The following SEPTIN5 variants were observed in gnomAD, a reference collection of about 807,000 sequenced individuals.
SEPTIN5 encodes septin-5.
SEPTIN5 carries 16 observed loss-of-function variants against 51.2 expected under a neutral mutation model. That is an observed-to-expected ratio of 0.31 (90% CI 0.21 to 0.47). The LOEUF (loss-of-function observed/expected upper bound fraction) is 0.47. Among genes scored for constraint, SEPTIN5 ranks in the 20% least tolerant of loss-of-function variants. SEPTIN5 has a pLI of 0.99. For missense variants in SEPTIN5, 376 were observed against 500.3 expected (o/e 0.75, Z 2.37); for synonymous variants, 208 against 191.2 (o/e 1.09, Z -0.72).
In SEPTIN5 at chr22:19,721,676, G is replaced by A; in HGVS notation, c.754G>A (p.Val252Met). Residue 252 changes from valine (V) to methionine (M), a missense_variant, in exon 9 of 12, where the codon GTG becomes ATG. By Grantham distance (21) the Val-to-Met change is conservative (BLOSUM62 1). Around this residue, in one of 2 missense-constraint regions of SEPTIN5, gnomAD observed 287 missense variants for 417.1 expected, o/e 0.69. Transcript: ENST00000455784. ...CTTCGCCGTTATAGGCAGCAACACG[G>A]TGGTGGAGGCCAAGGGGCAGCGGGT... is the stretch of plus-strand genomic sequence containing the variant. ...APFAVIGSNT[V>M]VEAKGQRVRG... The A allele has an allele frequency of 6.2e-7, 1 of 1,612,800 alleles. No homozygotes were observed. Among genetic ancestry groups the A allele is most frequent in the Non-Finnish European group, 8.5e-7 (1 of 1,179,754 alleles).
At position 19,720,827 on chromosome 22, in the gene SEPTIN5, G is replaced by A. The variant is rs144366796; in HGVS notation, c.675G>A (p.Ser225=). The A allele has an allele frequency of 5.0e-5, 80 of 1,613,728 alleles. No homozygotes were observed. Among genetic ancestry groups the A allele is most frequent in the African/African-American group, 2.7e-4 (20 of 75,008 alleles). ...TATACCAGTTCCCTGAGTGTGACTC[G>A]GACGAGGATGAGGACTTCAAGCAGC... ...IHVYQFPECD[S]DEDEDFKQQD... is the part of the protein sequence containing the mutation. The change falls in exon 8 of 12, where the codon TCG becomes TCA. Residue 225 remains serine (S), a synonymous_variant. Transcript: ENST00000455784.
At chr22:19,719,785 C>T (rs763273448) in intron 3 of SEPTIN5, 21 bp from the exon 4 acceptor site, 3 of 1,612,750 alleles carry the variant, frequency 1.9e-6, no homozygotes, top group African/African-American at 2.7e-5. Flanking sequence ...AACGCAGCTC[C>T]TTCTCTGTAC....
rs560751502 is a variant in SEPTIN5 at position 19,717,853 on chromosome 22, C to A, written c.55-1749C>A. 14 of 179,538 alleles carry A rather than the reference C, an allele frequency of 7.8e-5. 1 individual carries two copies. In the South Asian group the frequency reaches 1.2e-3, roughly 16 times the overall value. 11.1% of individuals were successfully genotyped at this position (179,538 alleles called of 1,614,324 possible). A position where few individuals can be genotyped will look rare whatever the true frequency, so the allele number is the denominator to read the frequency against. On this transcript the variant is annotated intron_variant, in intron 2 of 11. Transcript: ENST00000455784. ...ACACGCATACACGCATGTATACACG[C>A]GCACACACGCAGGCATTACACACAC...
At chr22:19,719,102 T>G (rs548571110) in intron 2 of SEPTIN5, 51 of 307,880 alleles carry the variant, frequency 1.7e-4, no homozygotes, top group Non-Finnish European at 2.5e-4. Flanking sequence ...CGGGGGAGGC[T>G]CGGCGCCGCG....
At chr22:19,718,271 C>T (rs1381887103) in intron 2 of SEPTIN5, 1 of 422,392 alleles carries the variant, frequency 2.4e-6, no homozygotes, top group Non-Finnish European at 3.2e-6. Flanking sequence ...GGGGGCGCGG[C>T]AGGGCTCCCG....
At chr22:19,717,627 T>A (rs1464660008) in intron 2 of SEPTIN5, 1 of 302,144 alleles carries the variant, frequency 3.3e-6, no homozygotes, top group African/African-American at 2.3e-5. Context: ...CCTCCAGTAC[T>A]CCGGCAGCCT....
rs748598174 is a variant in SEPTIN5, at chr22:19,722,569, G to A, written c.*85G>A. ...CGGACTGTTCCCGACCCGGAGACGC[G>A]GGGCCACAGCCCCCAGCTGACCCTA... On this transcript the variant is annotated 3_prime_UTR_variant, in exon 12 of 12. Coordinates refer to ENST00000455784, the MANE Select transcript of SEPTIN5 (RefSeq NM_002688.6). 4.5e-5 allele frequency: 63 copies of A among 1,397,572 alleles called. No homozygotes were observed. Among genetic ancestry groups the A allele is most frequent in the Non-Finnish European group, 6.0e-5 (61 of 1,013,580 alleles). 86.6% of individuals were successfully genotyped at this position (1,397,572 alleles called of 1,614,324 possible). A position where few individuals can be genotyped will look rare whatever the true frequency, so the allele number is the denominator to read the frequency against.
intron 2 of SEPTIN5, chr22:19,718,325 C>T (rs1601239447): frequency 1.1e-6 from 1 of 885,886 alleles, no homozygotes; most frequent in Non-Finnish European, 1.4e-6. Context: ...CTCAGCCCTG[C>T]CCTCCGCAGC....
In SEPTIN5 at chr22:19,714,764, C is replaced by G. The variant is rs376149314; in HGVS notation, c.44-17C>G. The G allele has an allele frequency of 1.8e-5, 28 of 1,593,674 alleles. No individual in the cohort carries two copies. The highest frequency in any genetic ancestry group is 3.3e-5 in the South Asian group (3 of 90,052). Reference sequence around the variant, plus strand: ...TCGGAACCGGACCCGGACTCGACCCCGACCCCGACCCCGCAGAGGACAAGC... The same window carrying G: ...TCGGAACCGGACCCGGACTCGACCCGGACCCCGACCCCGCAGAGGACAAGC... On this transcript the variant is annotated splice_polypyrimidine_tract_variant and intron_variant, in intron 1 of 11. Transcript: ENST00000455784. This position sits in a 1 kb window ranked among gnomAD's most constrained non-coding sequence, Gnocchi z 5.2.
rs1388563397 is a variant in SEPTIN5, at chr22:19,721,643, AGC to A, written c.726_727del (p.Pro243LeufsTer99). Reference protein sequence around the residue: ...FKQQDRELKESAPFAVIGSNT... With the variant: ...FKQQDRELKEXAPFAVIGSNT... ...CCTTTCTCCCTCCTTCCCCCAGGAG[AGC>A]GCGCCCTTCGCCGTTATAGGCAGCA... is the stretch of plus-strand genomic sequence containing the variant. On this transcript the variant is annotated frameshift_variant, in exon 9 of 12. Coordinates refer to ENST00000455784, the MANE Select transcript of SEPTIN5 (RefSeq NM_002688.6). LOFTEE classifies it high-confidence loss of function. The A allele has an allele frequency of 6.2e-7, 1 of 1,612,600 alleles. No individual in the cohort carries two copies. The highest frequency in any genetic ancestry group is 1.7e-5 in the Admixed American group (1 of 59,990).
chr22:19,722,891 C>T lies in SEPTIN5; in HGVS notation c.*407C>T, dbSNP rs1936077645. The T allele has an allele frequency of 4.5e-6, 2 of 448,974 alleles. No individual in the cohort carries two copies. The highest frequency in any genetic ancestry group is 2.1e-5 in the South Asian group (1 of 47,140). 27.8% of individuals were successfully genotyped at this position (448,974 alleles called of 1,614,324 possible). ...ACTTGGGAGCCCTCCTTTGCCTGCT[C>T]CCGCGGGTCACCCAGCGAGTGCTGA... is the stretch of plus-strand genomic sequence containing the variant. On this transcript the variant is annotated 3_prime_UTR_variant, in exon 12 of 12. Transcript: ENST00000455784.
At chr22:19,721,155 C>CCCCCAA (rs1936023335) in intron 8 of SEPTIN5, among the ~76,000 whole-genome samples, 1 of 152,188 alleles carries the variant, frequency 6.6e-6, no homozygotes, top group African/African-American at 2.4e-5. Flanking sequence ...GTGGGCCAGG[C>CCCCCAA]CCCCAACCCC....
intron 5 of SEPTIN5, 30 bp from the exon 6 acceptor site, chr22:19,720,290 G>A: frequency 6.8e-6 from 11 of 1,613,442 alleles, no homozygotes; most frequent in Non-Finnish European, 9.3e-6. Context: ...CAGCACTCGA[G>A]GCCTGGCCTC....
intron 2 of SEPTIN5, chr22:19,718,285 C>T (rs1446317349): frequency 1.2e-5 from 7 of 562,278 alleles, no homozygotes; most frequent in Non-Finnish European, 9.0e-6. Flanking sequence ...GCTCCCGGTC[C>T]ACGCGAGCCA....
chr22:19,722,201 C>T (rs1400166634), intron 10 of SEPTIN5, 36 bp from the exon 11 acceptor site: 4 of 1,404,168 alleles, frequency 2.8e-6, no homozygotes, highest in South Asian at 1.3e-5. Context: ...CTCCCGGTGG[C>T]GCCGCCCCGC....
At chr22:19,718,614 A>C (rs1201078876) in intron 2 of SEPTIN5, 1 of 1,290,300 alleles carries the variant, frequency 7.8e-7, no homozygotes, top group Non-Finnish European at 9.8e-7. Flanking sequence ...CCGCGTCCGC[A>C]AAACGGGGTG....
At position 19,722,108 on chromosome 22, in the gene SEPTIN5, CA is replaced by C. The variant is rs371289663; in HGVS notation, c.951-127del. 4,853 of 1,229,488 alleles carry C rather than the reference CA, an allele frequency of 3.9e-3. 142 individuals are homozygous for C. The African/African-American group carries it at 0.065, about 17-fold the overall frequency. 76.2% of individuals were successfully genotyped at this position (1,229,488 alleles called of 1,614,324 possible). ...CCCCAGAGCCTGGTCTCCCTAGAAC[CA>C]AGTCCAGGGCTGTGAGGGCTCCGGA... On this transcript the variant is annotated intron_variant, in intron 10 of 11. Coordinates refer to ENST00000455784, the MANE Select transcript of SEPTIN5 (RefSeq NM_002688.6).
At chr22:19,722,212 C>CCCA in intron 10 of SEPTIN5, 25 bp from the exon 11 acceptor site, 1 of 1,466,378 alleles carries the variant, frequency 6.8e-7, no homozygotes, top group Non-Finnish European at 9.3e-7. Flanking sequence ...GCCGCCCCGC[C>CCCA]CATCCTCCCC....
At chr22:19,716,713 C>G (rs1935916586) in intron 2 of SEPTIN5, among the ~76,000 whole-genome samples, 1 of 152,212 alleles carries the variant, frequency 6.6e-6, no homozygotes, top group Admixed American at 6.5e-5. Flanking sequence ...CTGGGCCTCC[C>G]CAGAGGCTGT....
Sources: allele counts gnomAD v4.1 joint callset (sites outside exome capture counted in the v4.1 genomes callset), GRCh38; gene constraint gnomAD v4.1.1; regional missense constraint gnomAD v4.1.1; non-coding constraint Gnocchi (gnomAD v3.1); transcripts MANE v1.5; gene names NCBI Gene and HGNC (gene_info 2026-07-23, HGNC 2026-07-21).